The following TANGO6 variants were observed in gnomAD, a reference collection of about 807,000 sequenced individuals.
TANGO6 encodes transport and Golgi organization protein 6 homolog.
Under a neutral mutation model 114.2 loss-of-function variants are expected in TANGO6, and 90 were observed. That is an observed-to-expected ratio of 0.79 (90% confidence interval 0.66 to 0.94). The LOEUF is 0.94. Among genes scored for constraint, TANGO6 ranks in the 40% least tolerant of loss-of-function variants. The probability of loss-of-function intolerance (pLI) is 0.00; values close to 1 mark genes in which losing one functional copy is unlikely to be tolerated. For synonymous variants in TANGO6, 477 were observed against 509.8 expected (o/e 0.94, Z 0.87); for missense variants, 1,274 against 1,315.3 (o/e 0.97, Z 0.49).
intron 17 of TANGO6, among the ~76,000 whole-genome samples, chr16:69,062,769 G>A (rs1164355060): frequency 1.4e-5 from 2 of 140,162 alleles, no homozygotes; most frequent in Non-Finnish European, 3.1e-5. Flanking sequence ...CACCGCACCC[G>A]GCCCATAAAA....
chr16:68,934,777 G>A (rs1191587068), intron 14 of TANGO6, among the ~76,000 whole-genome samples: 3 of 152,052 alleles, frequency 2.0e-5, no homozygotes, highest in African/African-American at 4.8e-5. Flanking sequence ...TGGATTTTTG[G>A]GAATGGGTGG....
intron 14 of TANGO6, among the ~76,000 whole-genome samples, chr16:68,961,869 C>T (rs1597038031): frequency 6.6e-6 from 1 of 152,304 alleles, no homozygotes; most frequent in South Asian, 2.1e-4. Flanking sequence ...TCCTCTCTTG[C>T]AGCTCTAAGT....
chr16:69,023,178 G>A (rs1049904428), intron 16 of TANGO6, among the ~76,000 whole-genome samples, 199 bp downstream of exon 16: 4 of 152,102 alleles, frequency 2.6e-5, no homozygotes, highest in Admixed American at 6.6e-5. Flanking sequence ...AGTAAGGGCC[G>A]GGCATGGTGG....
At position 69,022,815 on chromosome 16, in the gene TANGO6, C is replaced by G. The variant is rs1567560475; in HGVS notation, c.2843-13C>G. 6.4e-7 allele frequency: 1 copy of G among 1,560,394 alleles called. No homozygotes were observed. Among genetic ancestry groups the G allele is most frequent in the Non-Finnish European group, 8.7e-7 (1 of 1,152,230 alleles). On this transcript the variant is annotated splice_polypyrimidine_tract_variant and intron_variant, in intron 15 of 17. Coordinates refer to ENST00000261778, the MANE Select transcript of TANGO6 (RefSeq NM_024562.2). ...TGTTTTAAGGGGTTTTGATTTCTTC[C>G]TTTTTCCTATAGGAGACATGGTCTC...
rs772511522 is a variant in TANGO6 at position 68,909,383 on chromosome 16, T to C, written c.1973T>C (p.Ile658Thr). 1 of 1,548,746 alleles carries C rather than the reference T, an allele frequency of 6.5e-7. No homozygotes were observed. The highest frequency in any genetic ancestry group is 8.7e-7 in the Non-Finnish European group (1 of 1,143,244). The change falls in exon 11 of 18, where the codon ATA (isoleucine) becomes ACA (threonine). Residue 658 changes from isoleucine to threonine, a missense_variant. Physicochemically the swap from Ile to Thr is moderately conservative, Grantham distance 89 (BLOSUM62 -1). Transcript: ENST00000261778. ...CTGTGCGAGAGAATGTCTGAGCAGATATTCACAAACGTCACTCAGGTCAGT... is the reference window on the plus strand; with the variant it reads ...CTGTGCGAGAGAATGTCTGAGCAGACATTCACAAACGTCACTCAGGTCAGT... ...AVLCERMSEQ[I>T]FTNVTQVVDF...
chr16:68,905,660 C>T (rs1288014945), intron 9 of TANGO6, among the ~76,000 whole-genome samples: 1 of 151,904 alleles, frequency 6.6e-6, no homozygotes, highest in Admixed American at 6.6e-5. Flanking sequence ...TGGGAAAGTA[C>T]AAAAATTTCT....
chr16:68,884,062 A>G (rs576132445), intron 7 of TANGO6, among the ~76,000 whole-genome samples: 2 of 152,152 alleles, frequency 1.3e-5, no homozygotes, highest in Admixed American at 1.3e-4. Context: ...GGCACCCACC[A>G]CCACGCCGAG....
At chr16:68,961,354 G>A (rs893065111) in intron 14 of TANGO6, among the ~76,000 whole-genome samples, 26 of 152,202 alleles carry the variant, frequency 1.7e-4, no homozygotes, top group Non-Finnish European at 3.4e-4. Flanking sequence ...GTCCTGCCCC[G>A]CCACATGGCA....
chr16:68,857,063 C>T (rs771823728), intron 1 of TANGO6, among the ~76,000 whole-genome samples: 15 of 152,218 alleles, frequency 9.9e-5, no homozygotes, highest in Non-Finnish European at 1.8e-4. Context: ...GAGCCAAGAT[C>T]GCACCGCTGC....
At chr16:68,920,802 T>G (rs1379633785) in intron 12 of TANGO6, among the ~76,000 whole-genome samples, 1 of 151,920 alleles carries the variant, frequency 6.6e-6, no homozygotes, top group Non-Finnish European at 1.5e-5. Flanking sequence ...CCATATTGTT[T>G]TAAAAAAAAA....
chr16:68,908,093 G>T (rs1962876616), intron 10 of TANGO6, among the ~76,000 whole-genome samples: 6 of 152,090 alleles, frequency 3.9e-5, no homozygotes, highest in Admixed American at 3.9e-4. Context: ...AGAGTAACTT[G>T]TACCCCATAA....
intron 15 of TANGO6, among the ~76,000 whole-genome samples, chr16:68,996,672 G>T (rs952608227): frequency 1.3e-5 from 2 of 152,162 alleles, no homozygotes; most frequent in African/African-American, 4.8e-5. Context: ...AGGAGGAAAA[G>T]TAGTTTTTCT....
chr16:68,917,773 G>A (rs1445725114), intron 11 of TANGO6, among the ~76,000 whole-genome samples: 1 of 152,034 alleles, frequency 6.6e-6, no homozygotes, highest in East Asian at 1.9e-4. Context: ...TTCTTTTCAA[G>A]ATAGGATCTC....
At chr16:68,923,146 T>C (rs1220671149) in intron 12 of TANGO6, among the ~76,000 whole-genome samples, 1 of 150,072 alleles carries the variant, frequency 6.7e-6, no homozygotes, top group African/African-American at 2.5e-5. Context: ...GTAGTAGAGA[T>C]GGGGTTTCTC....
chr16:69,014,495 G>A (rs896736959), intron 15 of TANGO6, among the ~76,000 whole-genome samples: 2 of 152,140 alleles, frequency 1.3e-5, no homozygotes, highest in Non-Finnish European at 2.9e-5. Flanking sequence ...GAGGGATGGC[G>A]ACAGGTGGAT....
At chr16:69,046,133 G>A (rs1230690616) in intron 17 of TANGO6, among the ~76,000 whole-genome samples, 1 of 150,452 alleles carries the variant, frequency 6.6e-6, no homozygotes, top group Non-Finnish European at 1.5e-5. Flanking sequence ...ACAGGATTCA[G>A]AGTCAAAATA....
At chr16:69,082,615 C>T (rs1349090466) in intron 17 of TANGO6, among the ~76,000 whole-genome samples, 8 of 152,094 alleles carry the variant, frequency 5.3e-5, no homozygotes, top group East Asian at 1.9e-4. Flanking sequence ...CGTGGTGGTG[C>T]GCACCTGTAG....
At chr16:68,985,983 G>GT (rs1236847947) in intron 15 of TANGO6, among the ~76,000 whole-genome samples, 15 of 152,174 alleles carry the variant, frequency 9.9e-5, no homozygotes, top group Admixed American at 9.8e-4. Context: ...GTCAGGGGAG[G>GT]TGGGTGGGTG....
At chr16:69,061,783 GC>G (rs1448135935) in intron 17 of TANGO6, among the ~76,000 whole-genome samples, 1 of 152,164 alleles carries the variant, frequency 6.6e-6, no homozygotes, top group East Asian at 1.9e-4. Flanking sequence ...ACTTTGGGAG[GC>G]CGAGGCGGGC....
Sources: gnomAD v4.1 joint callset for allele counts (sites outside exome capture counted in the v4.1 genomes callset) on GRCh38, gnomAD v4.1.1 for gene constraint, MANE v1.5 for transcripts, NCBI Gene and HGNC (gene_info 2026-07-23, HGNC 2026-07-21) for gene names.